The following PARD3 variants were observed in gnomAD, a reference collection of about 807,000 sequenced individuals.
PARD3 encodes partitioning defective 3 homolog.
A neutral mutation model predicts 155.4 loss-of-function variants in PARD3; 75 were observed. The observed-to-expected ratio is 0.48, with a 90% CI of 0.40 to 0.58. The LOEUF (loss-of-function observed/expected upper bound fraction) is 0.58. PARD3 is among the 20% of genes least tolerant of loss of function. The pLI is 0.00. For missense variants in PARD3, 1,642 were observed against 1,721.7 expected (o/e 0.95, Z 0.82); for synonymous variants, 576 against 610.5 (o/e 0.94, Z 0.83).
rs191180777 is a variant in PARD3 at position 34,739,900 on chromosome 10, T to A, written c.121-43481A>T. ...TGCTGGAAAATATTCCCTATCTCTGTCAAAGAAAGGGAGAAAGGATAAGTC... is the reference window on the plus strand; with the variant it reads ...TGCTGGAAAATATTCCCTATCTCTGACAAAGAAAGGGAGAAAGGATAAGTC... On this transcript the variant is annotated intron_variant, in intron 1 of 24. Coordinates refer to ENST00000374788, the MANE Select transcript of PARD3 (RefSeq NM_001184785.2). 9.7e-4 allele frequency among the ~76,000 whole-genome samples: 147 copies of A among 152,130 alleles called. 1 individual carries two copies. Among genetic ancestry groups the A allele is most frequent in the Admixed American group, 3.9e-3 (59 of 15,286 alleles).
chr10:34,664,883 A>G (rs1330540009), intron 2 of PARD3, among the ~76,000 whole-genome samples: 1 of 152,090 alleles, frequency 6.6e-6, no homozygotes, highest in Non-Finnish European at 1.5e-5. Context: ...TAGCATGTAG[A>G]ATGTTGAATC....
At chr10:34,715,399 A>G (rs891055931) in intron 1 of PARD3, among the ~76,000 whole-genome samples, 2 of 152,170 alleles carry the variant, frequency 1.3e-5, no homozygotes, top group Non-Finnish European at 2.9e-5. Context: ...ATGAGCATGG[A>G]CTGAGCCATA....
chr10:34,656,399 A>T (rs1275661288), intron 2 of PARD3, among the ~76,000 whole-genome samples: 1 of 152,246 alleles, frequency 6.6e-6, no homozygotes. Flanking sequence ...CTATTGAAGT[A>T]CATTAATTAA....
chr10:34,334,736 C>CAA (rs5784410), intron 18 of PARD3, among the ~76,000 whole-genome samples: 17 of 128,276 alleles, frequency 1.3e-4, no homozygotes, highest in Non-Finnish European at 1.7e-4. Context: ...GCACAAAGTG[C>CAA]AAAAAAAAAA....
At chr10:34,275,420 T>C (rs1373067609) in intron 21 of PARD3, among the ~76,000 whole-genome samples, 1 of 152,226 alleles carries the variant, frequency 6.6e-6, no homozygotes, top group Non-Finnish European at 1.5e-5. Flanking sequence ...CTCAAGTTCA[T>C]TCTAGAAATT....
At chr10:34,674,359 CT>C (rs1470216480) in intron 2 of PARD3, among the ~76,000 whole-genome samples, 1 of 152,164 alleles carries the variant, frequency 6.6e-6, no homozygotes, top group Non-Finnish European at 1.5e-5. Context: ...AGAACTGCCC[CT>C]GAGCTGCCAC....
chr10:34,600,107 G>A (rs2089629332), intron 2 of PARD3, among the ~76,000 whole-genome samples: 1 of 151,924 alleles, frequency 6.6e-6, no homozygotes, highest in Admixed American at 6.6e-5. Flanking sequence ...GGCCGAGGCA[G>A]GTGGATGGCT....
intron 20 of PARD3, among the ~76,000 whole-genome samples, chr10:34,287,882 T>C (rs1345347137): frequency 6.6e-6 from 1 of 152,220 alleles, no homozygotes; most frequent in Non-Finnish European, 1.5e-5. Context: ...TGTAAATGTA[T>C]TACCAAACTG....
intron 22 of PARD3, among the ~76,000 whole-genome samples, chr10:34,233,119 T>C (rs1390996781): frequency 7.0e-6 from 1 of 143,446 alleles, no homozygotes; most frequent in Non-Finnish European, 1.5e-5. Context: ...CAGAATGGAG[T>C]GCCCTTGCCT....
Position 34,696,374 on chromosome 10 carries a change from C to T in PARD3, c.166G>A (p.Gly56Arg). 6.2e-7 allele frequency: 1 copy of T among 1,613,042 alleles called. No homozygotes were observed. Among genetic ancestry groups the T allele is most frequent in the East Asian group, 2.2e-5 (1 of 44,868 alleles). ...IQVHRLEHGD[G>R]GILDLDDILC... ...ATGTCATCAAGGTCTAGTATTCCTCCATCTCCATGTTCCAAGCGATGCACC... is the reference window on the plus strand; with the variant it reads ...ATGTCATCAAGGTCTAGTATTCCTCTATCTCCATGTTCCAAGCGATGCACC... Residue 56 changes from glycine to arginine, a missense_variant, in exon 2 of 25, where the codon GGA becomes AGA. Physicochemically the swap from Gly to Arg is moderately radical, Grantham distance 125. Coordinates refer to ENST00000374788, the MANE Select transcript of PARD3 (RefSeq NM_001184785.2).
intron 22 of PARD3, among the ~76,000 whole-genome samples, chr10:34,255,017 C>A (rs1954581408): frequency 6.6e-6 from 1 of 152,138 alleles, no homozygotes; most frequent in African/African-American, 2.4e-5. Context: ...CCTCAATCAG[C>A]TTTAGTTTTT....
intron 2 of PARD3, among the ~76,000 whole-genome samples, chr10:34,626,446 G>C (rs1209720956): frequency 6.6e-6 from 1 of 151,960 alleles, no homozygotes. Context: ...AATACAGCTT[G>C]TTCTTTTTCA....
chr10:34,315,885 T>C (rs138512785), intron 20 of PARD3, among the ~76,000 whole-genome samples: 13 of 152,318 alleles, frequency 8.5e-5, no homozygotes, highest in African/African-American at 2.9e-4. Flanking sequence ...ATACTGCTCA[T>C]AGGCCAGGCT....
chr10:34,206,499 T>C (rs2133372625), intron 22 of PARD3, among the ~76,000 whole-genome samples: 1 of 152,298 alleles, frequency 6.6e-6, no homozygotes, highest in East Asian at 1.9e-4. Context: ...GGGAAGGTTC[T>C]TGGCTTCACT....
intron 1 of PARD3, among the ~76,000 whole-genome samples, chr10:34,735,698 C>T (rs1207067745): frequency 1.3e-5 from 2 of 151,920 alleles, no homozygotes; most frequent in Non-Finnish European, 2.9e-5. Flanking sequence ...CTCATCAGGC[C>T]CTTTGCAGTA....
At chr10:34,384,061 T>G in intron 8 of PARD3, 68 bp downstream of exon 8, 1 of 1,508,070 alleles carries the variant, frequency 6.6e-7, no homozygotes, top group Non-Finnish European at 9.1e-7. Context: ...GTTTGAAGCA[T>G]TTCAACTGAC....
chr10:34,694,829 A>G (rs2094135554), intron 2 of PARD3, among the ~76,000 whole-genome samples: 1 of 152,216 alleles, frequency 6.6e-6, no homozygotes, highest in Admixed American at 6.6e-5. Context: ...TGAAATTTCA[A>G]GAAAACATTT....
intron 2 of PARD3, among the ~76,000 whole-genome samples, chr10:34,560,365 T>C (rs778163590): frequency 2.0e-5 from 3 of 152,168 alleles, no homozygotes; most frequent in East Asian, 1.9e-4. Context: ...AACGATACCA[T>C]AGATACTTGT....
chr10:34,643,800 C>T (rs1436666038), intron 2 of PARD3, among the ~76,000 whole-genome samples: 1 of 152,078 alleles, frequency 6.6e-6, no homozygotes, highest in Non-Finnish European at 1.5e-5. Flanking sequence ...ACCTGTAGTC[C>T]CAGCTACTTG....
Sources: allele counts gnomAD v4.1 joint callset (sites outside exome capture counted in the v4.1 genomes callset), GRCh38; gene constraint gnomAD v4.1.1; transcripts MANE v1.5; gene names NCBI Gene and HGNC (gene_info 2026-07-23, HGNC 2026-07-21).